RANBP2: variants seen among roughly 807,000 people sequenced by gnomAD.
RANBP2 encodes the protein RAN binding protein 2.
Under a neutral mutation model 303.6 loss-of-function variants are expected in RANBP2, and 57 were observed. The ratio of observed to expected loss-of-function variants is 0.19; its 90% CI spans 0.15 to 0.23. The LOEUF is 0.23. RANBP2 is among the 10% of genes least tolerant of loss of function. The pLI, the probability that RANBP2 is intolerant of heterozygous loss-of-function variation, is 1.00. For synonymous variants in RANBP2, 1,167 were observed against 1,301.5 expected (o/e 0.90, Z 2.23); for missense variants, 3,138 against 3,780.8 (o/e 0.83, Z 4.46).
chr2:109,412,702 T>C, the RANBP2 span, among the ~76,000 whole-genome samples: 5 of 152,384 alleles, frequency 3.3e-5, no homozygotes, highest in East Asian at 1.9e-4. Context: ...TCTGTTATTC[T>C]TCTCATACCA....
At chr2:109,058,859 G>A in the RANBP2 span, among the ~76,000 whole-genome samples, 8 of 152,272 alleles carry the variant, frequency 5.3e-5, no homozygotes, top group South Asian at 1.2e-3. Context: ...AGTTGGGGAG[G>A]GGGCCTGGGA....
At chr2:109,704,150 G>A in the RANBP2 span, among the ~76,000 whole-genome samples, 1 of 152,186 alleles carries the variant, frequency 6.6e-6, no homozygotes, top group African/African-American at 2.4e-5. Context: ...AGTGGGCTGA[G>A]AAACCCCTTT....
At chr2:108,980,335 C>T in the RANBP2 span, among the ~76,000 whole-genome samples, 6 of 152,046 alleles carry the variant, frequency 3.9e-5, no homozygotes, top group Non-Finnish European at 8.8e-5. Flanking sequence ...CAAAAGCCCC[C>T]TTGGGAGGCT....
chr2:109,078,246 T>C, the RANBP2 span, among the ~76,000 whole-genome samples: 1 of 20,952 alleles, frequency 4.8e-5, no homozygotes, highest in African/African-American at 2.2e-4. Flanking sequence ...ATATATAGCG[T>C]GTATATATAT....
At chr2:109,734,490 A>G in the RANBP2 span, among the ~76,000 whole-genome samples, 5 of 152,210 alleles carry the variant, frequency 3.3e-5, no homozygotes, top group Non-Finnish European at 7.3e-5. Context: ...AATTAAAAAG[A>G]TCAAAGTAAT....
chr2:108,794,593 GA>G, the RANBP2 span: 1 of 1,614,078 alleles, frequency 6.2e-7, no homozygotes, highest in Non-Finnish European at 8.5e-7. Flanking sequence ...GTGTTGTAGT[GA>G]TGCAGGTGAC....
chr2:108,839,323 A>G, the RANBP2 span: 1 of 1,588,750 alleles, frequency 6.3e-7, no homozygotes, highest in African/African-American at 1.3e-5. Flanking sequence ...ATAGGAATTT[A>G]TCTATAAGTA....
the RANBP2 span, among the ~76,000 whole-genome samples, chr2:109,032,860 G>A: frequency 9.2e-5 from 14 of 152,310 alleles, no homozygotes; most frequent in East Asian, 2.5e-3. Flanking sequence ...GATTCTGTGG[G>A]CCTAACAGAG....
At chr2:108,987,752 G>A in the RANBP2 span, among the ~76,000 whole-genome samples, 1 of 152,206 alleles carries the variant, frequency 6.6e-6, no homozygotes, top group Non-Finnish European at 1.5e-5. Flanking sequence ...AACTTTCCCA[G>A]CCGTGAAGGG....
the RANBP2 span, chr2:109,545,368 C>A: frequency 1.3e-6 from 2 of 1,503,034 alleles, no homozygotes; most frequent in African/African-American, 1.4e-5. Context: ...ACTTGGGTAA[C>A]TGATTTTAAC....
At chr2:108,867,741 C>T in the RANBP2 span, among the ~76,000 whole-genome samples, 2 of 152,110 alleles carry the variant, frequency 1.3e-5, no homozygotes, top group African/African-American at 4.8e-5. Flanking sequence ...TTTCTTTAGC[C>T]TTATCCAGTT....
chr2:108,741,630 C>A (rs1484004956), intron 7 of RANBP2, among the ~76,000 whole-genome samples: 1 of 150,752 alleles, frequency 6.6e-6, no homozygotes, highest in Non-Finnish European at 1.5e-5. Flanking sequence ...CTCAGCCTCC[C>A]GAGTAGCTGG....
chr2:109,482,379 A>G, the RANBP2 span, among the ~76,000 whole-genome samples: 1 of 152,224 alleles, frequency 6.6e-6, no homozygotes, highest in Non-Finnish European at 1.5e-5. Context: ...AAGATCAGCC[A>G]ACTAATAAAT....
chr2:108,812,663 A>G, the RANBP2 span: 4 of 1,612,942 alleles, frequency 2.5e-6, no homozygotes, highest in Non-Finnish European at 2.5e-6. Context: ...ACAGGAAGAT[A>G]GACATTCAGG....
At chr2:108,997,457 A>AAAAC in the RANBP2 span, among the ~76,000 whole-genome samples, 1 of 149,332 alleles carries the variant, frequency 6.7e-6, no homozygotes, top group Non-Finnish European at 1.5e-5. Context: ...AAAAAAAAAA[A>AAAAC]AAAAAAGATG....
At chr2:109,022,253 T>C in the RANBP2 span, among the ~76,000 whole-genome samples, 19 of 152,144 alleles carry the variant, frequency 1.2e-4, no homozygotes, top group South Asian at 2.1e-4. Context: ...GGAACGCCAA[T>C]ACTAAACGCC....
At chr2:109,129,808 C>T in the RANBP2 span, 1 of 1,538,316 alleles carries the variant, frequency 6.5e-7, no homozygotes, top group South Asian at 1.2e-5. Flanking sequence ...GTGCTCGCGC[C>T]ACGAGCTGCG....
the RANBP2 span, among the ~76,000 whole-genome samples, chr2:109,526,913 G>A: frequency 3.3e-5 from 5 of 152,078 alleles, no homozygotes; most frequent in Non-Finnish European, 5.9e-5. Flanking sequence ...GCACATGTTC[G>A]ACTCTAGCAC....
At chr2:109,020,054 T>C in the RANBP2 span, among the ~76,000 whole-genome samples, 1 of 152,214 alleles carries the variant, frequency 6.6e-6, no homozygotes, top group Non-Finnish European at 1.5e-5. Flanking sequence ...TTTGAACAGG[T>C]AACCATCTGA....
Sources: gnomAD v4.1 joint callset for allele counts (sites outside exome capture counted in the v4.1 genomes callset) on GRCh38, gnomAD v4.1.1 for gene constraint, MANE v1.5 for transcripts, NCBI Gene and HGNC (gene_info 2026-07-23, HGNC 2026-07-21) for gene names.